The following SLC25A21 variants were observed in gnomAD, a reference collection of about 807,000 sequenced individuals.
SLC25A21 encodes solute carrier family 25 member 21, also known as mitochondrial 2-oxodicarboxylate carrier.
SLC25A21 carries 47 observed loss-of-function variants against 43.8 expected under a neutral mutation model. The observed-to-expected ratio is 1.07, with a 90% CI of 0.85 to 1.37. The LOEUF (loss-of-function observed/expected upper bound fraction) is 1.37. SLC25A21 is among the 40% of genes most tolerant of loss of function. SLC25A21 has a pLI of 0.00. For synonymous variants in SLC25A21, 131 were observed against 121.3 expected (o/e 1.08, Z -0.52); for missense variants, 352 against 350.2 (o/e 1.00, Z -0.04).
At chr14:37,059,460 A>G (rs1329515454) in intron 1 of SLC25A21, among the ~76,000 whole-genome samples, 3 of 152,328 alleles carry the variant, frequency 2.0e-5, no homozygotes, top group East Asian at 1.9e-4. Context: ...ATACTGTCAC[A>G]CAAATTATTC....
chr14:36,905,594 C>T (rs1274126466), intron 1 of SLC25A21, among the ~76,000 whole-genome samples: 1 of 152,070 alleles, frequency 6.6e-6, no homozygotes, highest in African/African-American at 2.4e-5. Flanking sequence ...ATGGCTGCTA[C>T]GACTGTCACT....
chr14:36,875,313 C>T (rs1196305629), intron 1 of SLC25A21, among the ~76,000 whole-genome samples: 1 of 152,064 alleles, frequency 6.6e-6, no homozygotes, highest in African/African-American at 2.4e-5. Flanking sequence ...GTTATGGCTT[C>T]CCATTCCAAC....
intron 1 of SLC25A21, among the ~76,000 whole-genome samples, chr14:36,902,440 AAC>A (rs3061763): frequency 0.32 from 47,808 of 149,806 alleles, 7,936 homozygotes; most frequent in East Asian, 0.57. Flanking sequence ...CGTATAGTAA[AAC>A]ACACACACAC....
At chr14:37,030,756 A>G (rs771209082) in intron 1 of SLC25A21, among the ~76,000 whole-genome samples, 5 of 152,114 alleles carry the variant, frequency 3.3e-5, no homozygotes, top group Admixed American at 6.5e-5. Context: ...ATCAGTTTGT[A>G]CTCGTTGGTA....
chr14:37,078,205 C>T (rs1485171825), intron 1 of SLC25A21, among the ~76,000 whole-genome samples: 1 of 151,970 alleles, frequency 6.6e-6, no homozygotes, highest in Non-Finnish European at 1.5e-5. Context: ...GTGGTTAATA[C>T]ACAAGAGGAA....
chr14:36,799,224 G>A (rs1422082369), intron 3 of SLC25A21, among the ~76,000 whole-genome samples: 1 of 152,166 alleles, frequency 6.6e-6, no homozygotes, highest in Non-Finnish European at 1.5e-5. Flanking sequence ...TAAGACAGAT[G>A]ATGGGGTAGA....
At chr14:36,950,435 C>G (rs1892781602) in intron 1 of SLC25A21, among the ~76,000 whole-genome samples, 1 of 152,072 alleles carries the variant, frequency 6.6e-6, no homozygotes, top group Non-Finnish European at 1.5e-5. Flanking sequence ...TATATTTCTT[C>G]CTGAAGGTCA....
chr14:37,138,993 C>T (rs932363383), intron 1 of SLC25A21, among the ~76,000 whole-genome samples: 5 of 152,072 alleles, frequency 3.3e-5, no homozygotes, highest in African/African-American at 1.2e-4. Flanking sequence ...CATTTGTAAA[C>T]AGCTGTTTCA....
At chr14:36,947,517 G>A (rs946143293) in intron 1 of SLC25A21, among the ~76,000 whole-genome samples, 1 of 152,084 alleles carries the variant, frequency 6.6e-6, no homozygotes, top group African/African-American at 2.4e-5. Context: ...GAAAGGCTGG[G>A]TTTTTGCTCC....
Position 36,966,418 on chromosome 14 carries a change from T to G in SLC25A21, c.71-91414A>C, listed in dbSNP as rs1959616865. 2.6e-5 allele frequency among the ~76,000 whole-genome samples: 4 copies of G among 152,186 alleles called. 1 individual carries two copies. The South Asian group carries it at 8.3e-4, about 32-fold the overall frequency. On this transcript the variant is annotated intron_variant, in intron 1 of 9. Transcript: ENST00000331299. The stretch of plus-strand genomic sequence containing the variant: ...TGATCAGTGGAATTGTTTAGAGTCT[T>G]TTTTATCTACTCAACTCAGACACCT...
At chr14:36,881,886 G>C (rs1169491074) in intron 1 of SLC25A21, among the ~76,000 whole-genome samples, 2 of 152,076 alleles carry the variant, frequency 1.3e-5, no homozygotes, top group Admixed American at 1.3e-4. Context: ...CATAATTAAA[G>C]GACAATGTTG....
intron 1 of SLC25A21, among the ~76,000 whole-genome samples, chr14:36,882,485 G>C (rs1890763553): frequency 6.6e-6 from 1 of 152,208 alleles, no homozygotes; most frequent in South Asian, 2.1e-4. Flanking sequence ...ACCAGACACT[G>C]TAGTCTATGT....
rs1050104556 is a variant in SLC25A21 at position 36,976,637 on chromosome 14, T to C, written c.71-101633A>G. Among the ~76,000 whole-genome samples the C allele has an allele frequency of 2.5e-4, 38 of 152,060 alleles. 1 individual carries two copies. Among genetic ancestry groups the C allele is most frequent in the African/African-American group, 8.2e-4 (34 of 41,398 alleles). On this transcript the variant is annotated intron_variant, in intron 1 of 9. Coordinates refer to ENST00000331299, the MANE Select transcript of SLC25A21 (RefSeq NM_030631.4). ...TCTCACCTCTCTTAGTACCAGGAGC[T>C]CCAAGAGGACCTCACCCAAGCGGCA...
At chr14:36,795,670 T>C (rs1326535002) in intron 3 of SLC25A21, among the ~76,000 whole-genome samples, 3 of 151,448 alleles carry the variant, frequency 2.0e-5, no homozygotes, top group African/African-American at 7.2e-5. Flanking sequence ...ACAGTGTGGA[T>C]CTGTGAAGCG....
intron 1 of SLC25A21, among the ~76,000 whole-genome samples, chr14:37,142,404 A>G (rs1015992986): frequency 8.5e-5 from 13 of 152,216 alleles, no homozygotes; most frequent in African/African-American, 2.9e-4. Context: ...TCTGTTGCCC[A>G]GGCTGGAGTA....
intron 2 of SLC25A21, among the ~76,000 whole-genome samples, chr14:36,826,895 T>C (rs1888853915): frequency 6.6e-6 from 1 of 152,208 alleles, no homozygotes; most frequent in South Asian, 2.1e-4. Context: ...TGTGGCTATG[T>C]GCGCCTGTCC....
At chr14:37,043,743 T>C (rs2415375) in intron 1 of SLC25A21, among the ~76,000 whole-genome samples, 61,680 of 151,660 alleles carry the variant, frequency 0.41, 13,561 homozygotes, top group African/African-American at 0.59. Flanking sequence ...TCTTTTTTTG[T>C]TTTGTTTTTA....
At chr14:37,114,789 G>T (rs940569187) in intron 1 of SLC25A21, among the ~76,000 whole-genome samples, 1 of 115,192 alleles carries the variant, frequency 8.7e-6, no homozygotes, top group African/African-American at 6.1e-5. Context: ...TTTTTATGGC[G>T]GGGGGGGAAT....
chr14:36,767,810 A>G (rs1257784942), intron 3 of SLC25A21, among the ~76,000 whole-genome samples: 2 of 152,220 alleles, frequency 1.3e-5, no homozygotes, highest in African/African-American at 4.8e-5. Context: ...TAGCCCAGCA[A>G]TTCAGGCCCG....
Sources: gnomAD v4.1 joint callset for allele counts (sites outside exome capture counted in the v4.1 genomes callset) on GRCh38, gnomAD v4.1.1 for gene constraint, MANE v1.5 for transcripts, NCBI Gene and HGNC (gene_info 2026-07-23, HGNC 2026-07-21) for gene names.